Variants in EPAS1 observed in about 807,000 individuals in gnomAD.
EPAS1 encodes endothelial PAS domain-containing protein 1.
A neutral mutation model predicts 87.9 loss-of-function variants in EPAS1; 23 were observed. The ratio of observed to expected loss-of-function variants is 0.26; its 90% CI spans 0.19 to 0.37. The LOEUF (loss-of-function observed/expected upper bound fraction) is 0.37, where lower values mean the gene tolerates loss of function less well. Among genes scored for constraint, EPAS1 ranks in the 10% least tolerant of loss-of-function variants. The probability of loss-of-function intolerance (pLI) is 1.00; values close to 1 mark genes in which losing one functional copy is unlikely to be tolerated. For missense variants in EPAS1, 1,138 were observed against 1,120.7 expected (o/e 1.02, Z -0.22); for synonymous variants, 508 against 444.3 (o/e 1.14, Z -1.80).
intron 2 of EPAS1, among the ~76,000 whole-genome samples, chr2:46,352,817 TTC>T (rs1315357904): frequency 1.3e-5 from 2 of 152,186 alleles, no homozygotes; most frequent in East Asian, 3.8e-4. Context: ...TCCCAAGACA[TTC>T]TGTTACCCTT....
chr2:46,331,962 T>C (rs760715928), intron 1 of EPAS1, among the ~76,000 whole-genome samples: 7 of 152,226 alleles, frequency 4.6e-5, no homozygotes, highest in Non-Finnish European at 8.8e-5. Flanking sequence ...AAAGTAGAAT[T>C]AGCAGTGCTC....
At chr2:46,327,169 T>C (rs1380098250) in intron 1 of EPAS1, among the ~76,000 whole-genome samples, 4 of 152,202 alleles carry the variant, frequency 2.6e-5, no homozygotes, top group Non-Finnish European at 5.9e-5. Context: ...ATGCTAACAT[T>C]TTCTTTATTC....
At chr2:46,362,604 C>A (rs909635584) in intron 6 of EPAS1, among the ~76,000 whole-genome samples, 4 of 152,200 alleles carry the variant, frequency 2.6e-5, no homozygotes, top group Non-Finnish European at 5.9e-5. Context: ...ACCCACTTTT[C>A]TCTTATCAGC....
At chr2:46,309,319 T>C (rs1417608078) in intron 1 of EPAS1, among the ~76,000 whole-genome samples, 1 of 152,236 alleles carries the variant, frequency 6.6e-6, no homozygotes, top group Non-Finnish European at 1.5e-5. Flanking sequence ...AGGCATTAGA[T>C]GGACCCTGCA....
intron 2 of EPAS1, among the ~76,000 whole-genome samples, chr2:46,353,462 T>C (rs1043095578): frequency 6.6e-6 from 1 of 152,254 alleles, no homozygotes; most frequent in African/African-American, 2.4e-5. Context: ...ATTTTTCCAA[T>C]GAGAGGTCTC....
At chr2:46,377,188 G>A (rs750944446) in intron 9 of EPAS1, among the ~76,000 whole-genome samples, 1 of 152,196 alleles carries the variant, frequency 6.6e-6, no homozygotes, top group Non-Finnish European at 1.5e-5. Flanking sequence ...ATGTTGGGAA[G>A]GATCATTCCA....
At chr2:46,356,949 G>A (rs946926515) in intron 4 of EPAS1, 141 bp downstream of exon 4, 5 of 691,472 alleles carry the variant, frequency 7.2e-6, no homozygotes, top group African/African-American at 7.1e-5. Flanking sequence ...TAAGTATGTA[G>A]CCTGTGAGAT....
At chr2:46,382,622 C>T (rs1156237083) in intron 15 of EPAS1, 24 bp downstream of exon 15, 2 of 1,613,772 alleles carry the variant, frequency 1.2e-6, no homozygotes, top group East Asian at 2.2e-5. Flanking sequence ...GGATCTGTCA[C>T]CCCCATCCCA....
At chr2:46,334,125 A>G (rs1683742074) in intron 1 of EPAS1, among the ~76,000 whole-genome samples, 1 of 152,126 alleles carries the variant, frequency 6.6e-6, no homozygotes, top group South Asian at 2.1e-4. Context: ...TGGTGCCAAG[A>G]AAAGAGGGGT....
Position 46,380,786 on chromosome 2 carries a change from A to AC in EPAS1, c.2045+74dup, listed in dbSNP as rs772793919. The AC allele has an allele frequency of 1.3e-4, 203 of 1,597,628 alleles. No individual in the cohort carries two copies. Among genetic ancestry groups the AC allele is most frequent in the Middle Eastern group, 6.9e-4 (4 of 5,772 alleles). On this transcript the variant is annotated intron_variant, in intron 12 of 15. Transcript: ENST00000263734. This position sits in a 1 kb window ranked among gnomAD's most constrained non-coding sequence, Gnocchi z 4.4. The stretch of plus-strand genomic sequence containing the variant: ...AGGCACCCACTAGTAAGATAGCTGG[A>AC]CCCCCAGGGAGGCCCCTGCCCCTCT...
At chr2:46,331,848 C>T (rs1239181601) in intron 1 of EPAS1, among the ~76,000 whole-genome samples, 1 of 152,216 alleles carries the variant, frequency 6.6e-6, no homozygotes, top group Non-Finnish European at 1.5e-5. Context: ...TTTAATCAGA[C>T]ACGGCGCTGC....
In EPAS1 at chr2:46,371,740, G is replaced by A. The variant is rs972843220; in HGVS notation, c.886+1807G>A. ...TAGCGGCCCAGGCTCTGGCCCAGCC[G>A]ACCCACTGATTCCCTAGGGCCTGGA... On this transcript the variant is annotated intron_variant, in intron 7 of 15. Coordinates refer to ENST00000263734, the MANE Select transcript of EPAS1 (RefSeq NM_001430.5). The surrounding 1 kb of genome is among the most constrained non-coding windows in gnomAD (Gnocchi z 4.3). Among the ~76,000 whole-genome samples, 3 of 152,162 alleles carry A rather than the reference G, an allele frequency of 2.0e-5. No individual in the cohort carries two copies. Among genetic ancestry groups the A allele is most frequent in the East Asian group, 1.9e-4 (1 of 5,192 alleles).
intron 1 of EPAS1, among the ~76,000 whole-genome samples, chr2:46,339,094 A>C (rs1419801639): frequency 6.6e-6 from 1 of 152,236 alleles, no homozygotes; most frequent in African/African-American, 2.4e-5. Flanking sequence ...GGAATAGTAA[A>C]ATGCATTGTG....
intron 6 of EPAS1, among the ~76,000 whole-genome samples, chr2:46,366,474 TCCTC>T (rs1476068845): frequency 2.0e-5 from 3 of 152,202 alleles, no homozygotes; most frequent in African/African-American, 7.2e-5. Flanking sequence ...CTTTCATCCT[TCCTC>T]TGCCTCCTTG....
In EPAS1 at chr2:46,371,286, A is replaced by G. The variant is rs1037042321; in HGVS notation, c.886+1353A>G. Reference sequence around the variant, plus strand: ...GACAGCCAAGTTCAGTGCAGCCAGCAGAGTCACAACCCCGCAAGCTGTATG... The same window carrying G: ...GACAGCCAAGTTCAGTGCAGCCAGCGGAGTCACAACCCCGCAAGCTGTATG... On this transcript the variant is annotated intron_variant, in intron 7 of 15. Coordinates refer to ENST00000263734, the MANE Select transcript of EPAS1 (RefSeq NM_001430.5). The surrounding 1 kb of genome is among the most constrained non-coding windows in gnomAD (Gnocchi z 4.3). 2.6e-5 allele frequency among the ~76,000 whole-genome samples: 4 copies of G among 152,230 alleles called. No individual in the cohort carries two copies. The highest frequency in any genetic ancestry group is 6.5e-5 in the Admixed American group (1 of 15,284).
rs771240354 is a variant in EPAS1, at chr2:46,376,531, C to T, written c.1035-8C>T. 1.1e-5 allele frequency: 18 copies of T among 1,613,586 alleles called. No homozygotes were observed. The highest frequency in any genetic ancestry group is 5.5e-5 in the South Asian group (5 of 91,058). ...GGAAAGTCTGAATGGCTCTTTCCCC[C>T]CCATTAGTGAGATTGAGAAGAATGA... On this transcript the variant is annotated splice_region_variant and splice_polypyrimidine_tract_variant and intron_variant, in intron 8 of 15. Coordinates refer to ENST00000263734, the MANE Select transcript of EPAS1 (RefSeq NM_001430.5).
chr2:46,363,182 A>G (rs945164208), intron 6 of EPAS1, among the ~76,000 whole-genome samples: 1 of 152,216 alleles, frequency 6.6e-6, no homozygotes, highest in Non-Finnish European at 1.5e-5. Context: ...GTGAGATAAC[A>G]TGGACAATCC....
chr2:46,383,457 G>A (rs1684945923), intron 15 of EPAS1, among the ~76,000 whole-genome samples: 1 of 152,216 alleles, frequency 6.6e-6, no homozygotes, highest in African/African-American at 2.4e-5. Flanking sequence ...AAACATACCA[G>A]GCCCCTGTTC....
Position 46,371,130 on chromosome 2 carries a change from G to A in EPAS1, c.886+1197G>A, listed in dbSNP as rs1427257379. Among the ~76,000 whole-genome samples, 1 of 152,184 alleles carries A rather than the reference G, an allele frequency of 6.6e-6. No homozygotes were observed. On this transcript the variant is annotated intron_variant, in intron 7 of 15. Coordinates refer to ENST00000263734, the MANE Select transcript of EPAS1 (RefSeq NM_001430.5). The surrounding 1 kb of genome is among the most constrained non-coding windows in gnomAD (Gnocchi z 4.3). ...GTGGTGCAGACAGTGGTGCTGAGAG[G>A]ATTATGGGAGGATTAAAAACGGGTA...
Sources: allele counts gnomAD v4.1 joint callset (sites outside exome capture counted in the v4.1 genomes callset), GRCh38; gene constraint gnomAD v4.1.1; non-coding constraint Gnocchi (gnomAD v3.1); transcripts MANE v1.5; gene names NCBI Gene and HGNC (gene_info 2026-07-23, HGNC 2026-07-21).